The following ABHD2 variants were observed in gnomAD, a reference collection of about 807,000 sequenced individuals.
ABHD2 encodes monoacylglycerol lipase ABHD2.
Under a neutral mutation model 48.1 loss-of-function variants are expected in ABHD2, and 20 were observed. That is an observed-to-expected ratio of 0.42 (90% CI 0.29 to 0.60). ABHD2 has a LOEUF of 0.60. Ranked by LOEUF, ABHD2 falls within the 20% of genes least tolerant of loss-of-function variation. ABHD2 has a pLI of 0.24. For synonymous variants in ABHD2, 209 were observed against 214.2 expected, an observed-to-expected ratio of 0.98 and a Z score of 0.21; for missense variants, 405 against 550.9, an observed-to-expected ratio of 0.74 and a Z score of 2.65.
rs1385573881 is a variant in ABHD2, at chr15:89,100,731, T to C, written c.-107+12168T>C. Among the ~76,000 whole-genome samples, 3 of 152,102 alleles carry C rather than the reference T, an allele frequency of 2.0e-5. No individual in the cohort carries two copies. Among genetic ancestry groups the C allele is most frequent in the Admixed American group, 1.3e-4 (2 of 15,268 alleles). ...AAAAATACAAAAAATTAGCCAGGTG[T>C]GGTGGCGGGCACCTGTAATACCAGC... On this transcript the variant is annotated intron_variant, in intron 1 of 10. Coordinates refer to ENST00000352732, the MANE Select transcript of ABHD2 (RefSeq NM_152924.5). The surrounding 1 kb of genome is among the most constrained non-coding windows in gnomAD (Gnocchi z 4.4).
Position 89,202,155 on chromosome 15 carries a change from T to C in ABHD2, c.*6732T>C, listed in dbSNP as rs547566799. The stretch of plus-strand genomic sequence containing the variant: ...TTAAGATTTGCAACTAGCAATGCAA[T>C]TTTTTCTAAATATGGGGATATTTAC... On this transcript the variant is annotated 3_prime_UTR_variant, in exon 11 of 11. Transcript: ENST00000352732. 1.0e-4 allele frequency: 17 copies of C among 170,476 alleles called. No homozygotes were observed. In the East Asian group the frequency reaches 2.4e-3, roughly 24 times the overall value. 10.6% of individuals were successfully genotyped at this position (170,476 alleles called of 1,614,324 possible). A position where few individuals can be genotyped will look rare whatever the true frequency, so the allele number is the denominator to read the frequency against.
chr15:89,133,898 G>A (rs1397690496), intron 3 of ABHD2, among the ~76,000 whole-genome samples: 2 of 147,770 alleles, frequency 1.4e-5, no homozygotes, highest in East Asian at 4.0e-4. Flanking sequence ...GTGCAGTGGC[G>A]TGATCTCGGC....
chr15:89,093,902 T>C (rs1242934873), intron 1 of ABHD2: 1 of 152,282 alleles, frequency 6.6e-6, no homozygotes, highest in Non-Finnish European at 1.5e-5. Context: ...TAGTCTTCAG[T>C]GGCTCCCAGG....
At chr15:89,063,083 T>C in the ABHD2 span, among the ~76,000 whole-genome samples, 2 of 150,408 alleles carry the variant, frequency 1.3e-5, no homozygotes, top group African/African-American at 4.9e-5. Flanking sequence ...CTCTCGTGCC[T>C]CAGCCATCCA....
In ABHD2 at chr15:89,114,859, G is replaced by A. The variant is rs2049930462; in HGVS notation, c.-7+1035G>A. On this transcript the variant is annotated intron_variant, in intron 2 of 10. Coordinates refer to ENST00000352732, the MANE Select transcript of ABHD2 (RefSeq NM_152924.5). The surrounding 1 kb of genome is among the most constrained non-coding windows in gnomAD (Gnocchi z 4.2). ...GAGTTTATATTCATGGCCTAGCCTT[G>A]ATTTGAAATTGTGTCAGTAAGTTTT... Among the ~76,000 whole-genome samples the A allele has an allele frequency of 6.6e-6, 1 of 152,204 alleles. No homozygotes were observed. Among genetic ancestry groups the A allele is most frequent in the East Asian group, 1.9e-4 (1 of 5,196 alleles).
At chr15:89,180,196 C>T (rs1299286181) in intron 6 of ABHD2, among the ~76,000 whole-genome samples, 1 of 152,220 alleles carries the variant, frequency 6.6e-6, no homozygotes, top group Non-Finnish European at 1.5e-5. Context: ...AACAGCTCAG[C>T]TTTTCCACCA....
the ABHD2 span, among the ~76,000 whole-genome samples, chr15:89,050,263 CG>C: frequency 1.3e-5 from 2 of 152,048 alleles, no homozygotes; most frequent in Admixed American, 1.3e-4. Flanking sequence ...TGTCATGGGG[CG>C]GGGGTCACTT....
chr15:89,126,574 T>C (rs1054338579), intron 3 of ABHD2, among the ~76,000 whole-genome samples: 5 of 152,252 alleles, frequency 3.3e-5, no homozygotes, highest in African/African-American at 1.2e-4. Flanking sequence ...CTTCTCAGCA[T>C]GCCCTCCTTC....
chr15:89,164,573 G>A lies in ABHD2; in HGVS notation c.538+9039G>A, dbSNP rs1042802974. Among the ~76,000 whole-genome samples the A allele has an allele frequency of 5.1e-4, 78 of 152,100 alleles. No homozygotes were observed. Among genetic ancestry groups the A allele is most frequent in the Middle Eastern group, 3.2e-3 (1 of 316 alleles). ...ACGCCCAGGCTGGCAGATCACTTGA[G>A]CCCAGGAGTTTGAGACCAGCCTGAT... On this transcript the variant is annotated intron_variant, in intron 5 of 10. Transcript: ENST00000352732. This position sits in a 1 kb window ranked among gnomAD's most constrained non-coding sequence, Gnocchi z 5.0.
the ABHD2 span, among the ~76,000 whole-genome samples, chr15:89,045,223 G>A: frequency 7.0e-3 from 1,059 of 151,534 alleles, 10 homozygotes; most frequent in African/African-American, 0.024. Flanking sequence ...GTAGATATGC[G>A]GCGTTATTTC....
In ABHD2 at chr15:89,177,563, C is replaced by T. The variant is rs889610992; in HGVS notation, c.722+1568C>T. ...CAGTTTAGTTACGTTTAGCAGTCCC[C>T]GGGGTTAGTGACCTCAGTGGTCTCT... On this transcript the variant is annotated intron_variant, in intron 6 of 10. Coordinates refer to ENST00000352732, the MANE Select transcript of ABHD2 (RefSeq NM_152924.5). This position sits in a 1 kb window ranked among gnomAD's most constrained non-coding sequence, Gnocchi z 5.6. 1.3e-5 allele frequency among the ~76,000 whole-genome samples: 2 copies of T among 152,174 alleles called. No individual in the cohort carries two copies. Among genetic ancestry groups the T allele is most frequent in the Non-Finnish European group, 2.9e-5 (2 of 68,038 alleles).
At chr15:89,145,466 G>C (rs1182492806) in intron 3 of ABHD2, among the ~76,000 whole-genome samples, 1 of 152,188 alleles carries the variant, frequency 6.6e-6, no homozygotes, top group Non-Finnish European at 1.5e-5. Context: ...TGGGGACAGG[G>C]ACAGAAAGAT....
rs901016106 is a variant in ABHD2 at position 89,106,456 on chromosome 15, G to A, written c.-106-7269G>A. 2 of 152,178 alleles carry A rather than the reference G, an allele frequency of 1.3e-5. No homozygotes were observed. Among genetic ancestry groups the A allele is most frequent in the Non-Finnish European group, 2.9e-5 (2 of 68,080 alleles). The allele number at this position is 152,178 out of a possible 1,614,324, so 9.4% of individuals were successfully genotyped here. A position where few individuals can be genotyped will look rare whatever the true frequency, so the allele number is the denominator to read the frequency against. On this transcript the variant is annotated intron_variant, in intron 1 of 10. Transcript: ENST00000352732. The surrounding 1 kb of genome is among the most constrained non-coding windows in gnomAD (Gnocchi z 4.2). ...CTCACTCACCTCATTAGACCTTACC[G>A]AGAGTGAGAACAGGGCCGGGTCGCC...
At chr15:89,083,089 A>G (rs1407488946), upstream of ABHD2, among the ~76,000 whole-genome samples, 1 of 152,134 alleles carries the variant, frequency 6.6e-6, no homozygotes, top group Non-Finnish European at 1.5e-5. This position sits in a 1 kb window ranked among gnomAD's most constrained non-coding sequence, Gnocchi z 5.1. Context: ...TCCTGACCTC[A>G]AGTGATCCAC....
chr15:89,062,065 G>T, the ABHD2 span, among the ~76,000 whole-genome samples: 12 of 151,972 alleles, frequency 7.9e-5, no homozygotes, highest in African/African-American at 2.7e-4. Flanking sequence ...AGAGCAATAA[G>T]GTTTAAGCTC....
At chr15:89,130,560 A>G (rs1001539796) in intron 3 of ABHD2, among the ~76,000 whole-genome samples, 8 of 152,130 alleles carry the variant, frequency 5.3e-5, no homozygotes, top group African/African-American at 1.9e-4. Context: ...AGAGACAGAA[A>G]CTACAAACCA....
At chr15:89,045,891 C>G in the ABHD2 span, among the ~76,000 whole-genome samples, 2 of 152,150 alleles carry the variant, frequency 1.3e-5, no homozygotes, top group Non-Finnish European at 2.9e-5. Flanking sequence ...CCTTTATTTC[C>G]TTCTCCTGCC....
intron 5 of ABHD2, among the ~76,000 whole-genome samples, chr15:89,159,824 TA>T (rs1414443547): frequency 6.7e-6 from 1 of 149,100 alleles, no homozygotes; most frequent in African/African-American, 2.4e-5. Context: ...TAAATTTCTG[TA>T]GTTTATTATA....
the ABHD2 span, among the ~76,000 whole-genome samples, chr15:89,043,454 G>GAGGAGAAGGAGAAGGAGA: frequency 4.7e-4 from 67 of 143,918 alleles, 1 homozygote; most frequent in African/African-American, 5.6e-4. Context: ...GAAGGAGGAG[G>GAGGAGAAGGAGAAGGAGA]AGGAGAAGGA....
Sources: gnomAD v4.1 joint callset for allele counts (sites outside exome capture counted in the v4.1 genomes callset) on GRCh38, gnomAD v4.1.1 for gene constraint, Gnocchi (gnomAD v3.1) non-coding constraint, MANE v1.5 for transcripts, NCBI Gene and HGNC (gene_info 2026-07-23, HGNC 2026-07-21) for gene names.